CREBBP: variants seen among roughly 807,000 people sequenced by gnomAD.
The protein encoded by CREBBP is CREB binding lysine acetyltransferase.
A neutral mutation model predicts 265.0 loss-of-function variants in CREBBP; 19 were observed. The ratio of observed to expected loss-of-function variants is 0.07; its 90% CI spans 0.05 to 0.11. The LOEUF is 0.11. Ranked by LOEUF, CREBBP falls within the 10% of genes least tolerant of loss-of-function variation. CREBBP has a pLI of 1.00. For synonymous variants in CREBBP, 1,457 were observed against 1,223.7 expected (o/e 1.19, Z -3.98); for missense variants, 2,525 against 3,219.0 (o/e 0.78, Z 5.22).
At chr16:3,879,683 C>G in intron 1 of CREBBP, 149 bp downstream of exon 1, 1 of 879,630 alleles carries the variant, frequency 1.1e-6, no homozygotes, top group Admixed American at 2.0e-5. Context: ...AACTTCCACC[C>G]TCCCGCGCGG....
intron 3 of CREBBP, among the ~76,000 whole-genome samples, chr16:3,802,970 A>G (rs2053749107): frequency 6.6e-6 from 1 of 152,142 alleles, no homozygotes; most frequent in Non-Finnish European, 1.5e-5. Flanking sequence ...ATAAGGACCT[A>G]CAACAGCTGG....
chr16:3,774,519 T>C (rs2053089310), intron 12 of CREBBP, 50 bp downstream of exon 12: 1 of 1,612,236 alleles, frequency 6.2e-7, no homozygotes, highest in Non-Finnish European at 8.5e-7. Context: ...TAGATAATGT[T>C]CCATGTGAGA....
At chr16:3,745,619 T>C (rs1224854692) in intron 21 of CREBBP, 9 of 512,682 alleles carry the variant, frequency 1.8e-5, no homozygotes, top group South Asian at 1.5e-4. Flanking sequence ...AAGGAAACTT[T>C]ACTTTTTAAA....
chr16:3,740,296 C>T (rs2052170877), intron 24 of CREBBP, 103 bp downstream of exon 24: 1 of 1,451,748 alleles, frequency 6.9e-7, no homozygotes, highest in African/African-American at 1.4e-5. Flanking sequence ...GCTGCAAAGT[C>T]TTGGAAGGAT....
intron 2 of CREBBP, among the ~76,000 whole-genome samples, chr16:3,829,514 G>C (rs2054300831): frequency 1.3e-5 from 2 of 152,276 alleles, no homozygotes; most frequent in Admixed American, 1.3e-4. Flanking sequence ...TCCAGAGGTG[G>C]CACAGTGCTA....
At chr16:3,750,834 G>GT (rs1296738893) in intron 20 of CREBBP, among the ~76,000 whole-genome samples, 2 of 152,158 alleles carry the variant, frequency 1.3e-5, no homozygotes, top group Admixed American at 1.3e-4. Flanking sequence ...AAGGATGGAG[G>GT]TTTAAGTGGA....
rs1050103352 is a variant in CREBBP, at chr16:3,851,721, G to A, written c.86-712C>T. ...GACAAAAAATTAGCCGGGCGCGGTG[G>A]CGGGCGCCTGTAGTCCCAGCTACTC... On this transcript the variant is annotated intron_variant, in intron 1 of 30. Coordinates refer to ENST00000262367, the MANE Select transcript of CREBBP (RefSeq NM_004380.3). Among the ~76,000 whole-genome samples, 9 of 151,864 alleles carry A rather than the reference G, an allele frequency of 5.9e-5. No homozygotes were observed. In the South Asian group the frequency reaches 1.2e-3, roughly 21 times the overall value.
intron 3 of CREBBP, 57 bp downstream of exon 3, chr16:3,810,546 C>G: frequency 6.3e-7 from 1 of 1,592,728 alleles, no homozygotes; most frequent in Non-Finnish European, 8.6e-7. Flanking sequence ...TGGTAAAAAT[C>G]CACAGACCAC....
chr16:3,862,519 T>C (rs934139922), intron 1 of CREBBP, among the ~76,000 whole-genome samples: 2 of 152,224 alleles, frequency 1.3e-5, no homozygotes, highest in East Asian at 3.8e-4. Flanking sequence ...ACATTTATAC[T>C]AGAGCTTAGA....
chr16:3,824,456 C>T (rs1243111489), intron 2 of CREBBP, among the ~76,000 whole-genome samples: 3 of 152,208 alleles, frequency 2.0e-5, no homozygotes, highest in Non-Finnish European at 2.9e-5. Context: ...AAAATGAACA[C>T]GGAAACTGGA....
At chr16:3,790,815 T>C (rs1375494563) in intron 5 of CREBBP, among the ~76,000 whole-genome samples, 1 of 151,860 alleles carries the variant, frequency 6.6e-6, no homozygotes, top group Non-Finnish European at 1.5e-5. Context: ...CAGAGGGAGG[T>C]GGGCTGGACT....
chr16:3,874,193 A>G (rs1025605274), intron 1 of CREBBP, among the ~76,000 whole-genome samples: 1 of 152,222 alleles, frequency 6.6e-6, no homozygotes, highest in Non-Finnish European at 1.5e-5. Flanking sequence ...AGTCATCCAT[A>G]TAACTGTTAC....
At chr16:3,759,070 G>T in intron 16 of CREBBP, 98 bp from the exon 17 acceptor site, 1 of 945,570 alleles carries the variant, frequency 1.1e-6, no homozygotes, top group Non-Finnish European at 1.7e-6. Context: ...TGACATCCCA[G>T]CCACGATGCT....
intron 26 of CREBBP, chr16:3,737,055 G>A (rs376797771): frequency 1.0e-4 from 58 of 581,576 alleles, no homozygotes; most frequent in South Asian, 4.8e-4. Context: ...GGGCAGGGCC[G>A]AGGCTGCAAA....
chr16:3,794,257 G>T (rs1195128791), intron 3 of CREBBP, among the ~76,000 whole-genome samples: 1 of 142,782 alleles, frequency 7.0e-6, no homozygotes. Context: ...GTGTGAACCC[G>T]GGAGGCGGAG....
intron 16 of CREBBP, among the ~76,000 whole-genome samples, chr16:3,759,460 T>A (rs1197638106): frequency 1.3e-5 from 2 of 151,756 alleles, no homozygotes; most frequent in African/African-American, 2.4e-5. Flanking sequence ...TGTCGGGGGT[T>A]CCTATAAGCC....
rs571963731 is a variant in CREBBP, at chr16:3,764,311, C to G, written c.3250+3409G>C. On this transcript the variant is annotated intron_variant, in intron 16 of 30. Coordinates refer to ENST00000262367, the MANE Select transcript of CREBBP (RefSeq NM_004380.3). Reference sequence around the variant, plus strand: ...TTTATTTTTAAGACAGGGTCTCACTCTCTCATCCAGGCTAGAACGCACTGG... The same window carrying G: ...TTTATTTTTAAGACAGGGTCTCACTGTCTCATCCAGGCTAGAACGCACTGG... 3.3e-5 allele frequency among the ~76,000 whole-genome samples: 5 copies of G among 152,106 alleles called. No individual in the cohort carries two copies. In the East Asian group the frequency reaches 9.7e-4, roughly 29 times the overall value.
intron 1 of CREBBP, among the ~76,000 whole-genome samples, chr16:3,864,712 T>C (rs1219059447): frequency 6.6e-6 from 1 of 152,154 alleles, no homozygotes; most frequent in Non-Finnish European, 1.5e-5. Context: ...AAGCACAACA[T>C]GATGGAGAAT....
At chr16:3,788,496 T>C (rs757832303) in intron 5 of CREBBP, among the ~76,000 whole-genome samples, 1 of 152,176 alleles carries the variant, frequency 6.6e-6, no homozygotes, top group Non-Finnish European at 1.5e-5. Flanking sequence ...CAGTCAACCA[T>C]GCCACTCTGT....
Sources: allele counts gnomAD v4.1 joint callset (sites outside exome capture counted in the v4.1 genomes callset), GRCh38; gene constraint gnomAD v4.1.1; transcripts MANE v1.5; gene names NCBI Gene and HGNC (gene_info 2026-07-23, HGNC 2026-07-21).